The following SORCS3 variants were observed in gnomAD, a reference collection of about 807,000 sequenced individuals.
SORCS3 encodes VPS10 domain-containing receptor SorCS3.
A neutral mutation model predicts 146.3 loss-of-function variants in SORCS3; 57 were observed. That is an observed-to-expected ratio of 0.39 (90% CI 0.31 to 0.49). The LOEUF is 0.49. Ranked by LOEUF, SORCS3 falls within the 20% of genes least tolerant of loss-of-function variation. SORCS3 has a pLI of 0.92. For missense variants in SORCS3, 1,341 were observed against 1,575.5 expected (o/e 0.85, Z 2.52); for synonymous variants, 653 against 618.5 (o/e 1.06, Z -0.83).
chr10:104,992,957 G>A (rs2055003533), intron 4 of SORCS3, among the ~76,000 whole-genome samples: 1 of 151,932 alleles, frequency 6.6e-6, no homozygotes, highest in East Asian at 1.9e-4. Flanking sequence ...CTGAATGAGA[G>A]TTAAAGAGGA....
intron 7 of SORCS3, among the ~76,000 whole-genome samples, chr10:105,119,517 T>TG (rs2055916487): frequency 4.6e-5 from 7 of 152,246 alleles, no homozygotes; most frequent in African/African-American, 1.7e-4. Context: ...ACTGTGTGCC[T>TG]GGAAAAGTCA....
At chr10:104,724,783 G>T (rs952756379) in intron 1 of SORCS3, among the ~76,000 whole-genome samples, 2 of 152,148 alleles carry the variant, frequency 1.3e-5, no homozygotes, top group South Asian at 4.1e-4. Flanking sequence ...ACTGAGGCTT[G>T]TGCATTCATC....
intron 1 of SORCS3, among the ~76,000 whole-genome samples, chr10:104,789,533 A>G (rs2017473307): frequency 6.6e-6 from 1 of 152,194 alleles, no homozygotes. Context: ...TGGAAAACCC[A>G]AGTCAGGCAG....
intron 2 of SORCS3, among the ~76,000 whole-genome samples, chr10:104,888,327 C>T (rs914595325): frequency 6.6e-6 from 1 of 152,174 alleles, no homozygotes; most frequent in Non-Finnish European, 1.5e-5. Context: ...AGTAGTTGGA[C>T]CAGGAGACTC....
intron 2 of SORCS3, among the ~76,000 whole-genome samples, chr10:104,895,479 A>G (rs2018789109): frequency 6.6e-6 from 1 of 152,206 alleles, no homozygotes; most frequent in African/African-American, 2.4e-5. Context: ...ACTTGCGTGC[A>G]CTTTGCCTTC....
intron 3 of SORCS3, among the ~76,000 whole-genome samples, chr10:104,952,116 G>A (rs148478328): frequency 1.3e-4 from 19 of 151,386 alleles, no homozygotes; most frequent in African/African-American, 4.1e-4. Flanking sequence ...TGGACCAGTA[G>A]CATTGACATC....
chr10:105,086,260 G>A (rs2055659646), intron 5 of SORCS3, among the ~76,000 whole-genome samples: 1 of 152,158 alleles, frequency 6.6e-6, no homozygotes, highest in African/African-American at 2.4e-5. Flanking sequence ...GCACATAGCT[G>A]GAGTCAGGTA....
intron 3 of SORCS3, among the ~76,000 whole-genome samples, chr10:104,970,164 A>T (rs558064326): frequency 1.3e-5 from 2 of 151,944 alleles, no homozygotes; most frequent in Non-Finnish European, 1.5e-5. Context: ...TTGTTTTGAG[A>T]CAGAGTCTCA....
At chr10:105,241,512 C>T (rs207471324) in intron 20 of SORCS3, among the ~76,000 whole-genome samples, 2 of 152,234 alleles carry the variant, frequency 1.3e-5, no homozygotes, top group Non-Finnish European at 2.9e-5. Context: ...CCCTCTGCCA[C>T]TGCGAGTAAA....
intron 4 of SORCS3, among the ~76,000 whole-genome samples, chr10:104,983,345 G>T (rs1234574055): frequency 2.6e-5 from 4 of 152,026 alleles, no homozygotes; most frequent in Non-Finnish European, 4.4e-5. Flanking sequence ...AGACTTTCTG[G>T]TCTCTTCTTC....
intron 3 of SORCS3, among the ~76,000 whole-genome samples, chr10:104,967,875 G>T (rs2054835177): frequency 6.6e-6 from 1 of 151,374 alleles, no homozygotes. Flanking sequence ...GCCTAGGCTG[G>T]TTCTGAACTC....
At chr10:104,761,797 G>A (rs990401213) in intron 1 of SORCS3, among the ~76,000 whole-genome samples, 12 of 152,140 alleles carry the variant, frequency 7.9e-5, no homozygotes, top group African/African-American at 1.2e-4. Context: ...CCTGTAAAGC[G>A]TTGACATGAT....
intron 6 of SORCS3, among the ~76,000 whole-genome samples, chr10:105,091,821 A>G (rs2055712373): frequency 6.6e-6 from 1 of 152,218 alleles, no homozygotes; most frequent in Non-Finnish European, 1.5e-5. Flanking sequence ...CAGGGAGCAT[A>G]GAAGGACAGG....
chr10:104,740,405 C>A, intron 1 of SORCS3, among the ~76,000 whole-genome samples: 1 of 152,248 alleles, frequency 6.6e-6, no homozygotes, highest in Non-Finnish European at 1.5e-5. Flanking sequence ...CTGCTGTCGT[C>A]TCACTTACTC....
At chr10:105,151,763 T>G (rs138180479) in intron 9 of SORCS3, among the ~76,000 whole-genome samples, 1 of 152,310 alleles carries the variant, frequency 6.6e-6, no homozygotes, top group Non-Finnish European at 1.5e-5. Flanking sequence ...ATTTCAAATC[T>G]GTTGGAGTTG....
chr10:104,806,761 G>A (rs1367576374), intron 1 of SORCS3, among the ~76,000 whole-genome samples: 1 of 152,172 alleles, frequency 6.6e-6, no homozygotes, highest in Non-Finnish European at 1.5e-5. Flanking sequence ...TCTACATTTT[G>A]TCCAACTACA....
chr10:104,904,488 A>G (rs1456897831), intron 2 of SORCS3, among the ~76,000 whole-genome samples: 1 of 150,178 alleles, frequency 6.7e-6, no homozygotes, highest in Non-Finnish European at 1.5e-5. Context: ...GACAACACAC[A>G]TTCAAGTTAT....
At chr10:105,230,422 C>G (rs2056759779) in intron 20 of SORCS3, among the ~76,000 whole-genome samples, 1 of 152,044 alleles carries the variant, frequency 6.6e-6, no homozygotes, top group Non-Finnish European at 1.5e-5. Flanking sequence ...CAGCCATAGT[C>G]AGGTGGGTGG....
intron 20 of SORCS3, among the ~76,000 whole-genome samples, chr10:105,242,814 T>C (rs1264376173): frequency 1.1e-4 from 7 of 63,396 alleles, no homozygotes; most frequent in African/African-American, 4.2e-4. Context: ...AATTTATATA[T>C]ATTTTTATAT....
Sources: allele counts gnomAD v4.1 joint callset (sites outside exome capture counted in the v4.1 genomes callset), GRCh38; gene constraint gnomAD v4.1.1; transcripts MANE v1.5; gene names NCBI Gene and HGNC (gene_info 2026-07-23, HGNC 2026-07-21).